The following FRS2 variants were observed in gnomAD, a reference collection of about 807,000 sequenced individuals.
FRS2 encodes the protein FGFR signalling adaptor.
In FRS2, 8 loss-of-function variants were observed where a neutral mutation model predicts 43.9. The ratio of observed to expected loss-of-function variants is 0.18; its 90% CI spans 0.11 to 0.33. The LOEUF (loss-of-function observed/expected upper bound fraction) is 0.33, where lower values mean the gene tolerates loss of function less well. Ranked by LOEUF, FRS2 falls within the 10% of genes least tolerant of loss-of-function variation. The pLI, the probability that FRS2 is intolerant of heterozygous loss-of-function variation, is 1.00. For synonymous variants in FRS2, 219 were observed against 220.3 expected, an observed-to-expected ratio of 0.99 and a Z score of 0.05; for missense variants, 534 against 627.6, an observed-to-expected ratio of 0.85 and a Z score of 1.59.
At position 69,574,756 on chromosome 12, in the gene FRS2, G is replaced by A. The variant is rs771251692; in HGVS notation, c.1328G>A (p.Gly443Asp). Reference sequence around the variant, plus strand: ...AATTACATACAGGTTGACTTGGAAGGTGGCAGTGACTCTGACAACCCTCAG... The same window carrying A: ...AATTACATACAGGTTGACTTGGAAGATGGCAGTGACTCTGACAACCCTCAG... Reference protein sequence around the residue: ...QLNYIQVDLEGGSDSDNPQTP... With the variant: ...QLNYIQVDLEDGSDSDNPQTP... The change falls in exon 9 of 9, where the codon GGT (glycine) becomes GAT (aspartate). Residue 443 changes from glycine to aspartate, a missense_variant. Gly to Asp is a moderately conservative substitution (Grantham distance 94, BLOSUM62 -1). Coordinates refer to ENST00000549921, the MANE Select transcript of FRS2 (RefSeq NM_001278356.2). 2 of 1,614,166 alleles carry A rather than the reference G, an allele frequency of 1.2e-6. No homozygotes were observed. The highest frequency in any genetic ancestry group is 1.7e-6 in the Non-Finnish European group (2 of 1,180,026).
rs1359161861 is a variant in FRS2, at chr12:69,527,123, A to G, written c.-260-3742A>G. The stretch of plus-strand genomic sequence containing the variant: ...TGTATGGAATAACAATCAGTCATTT[A>G]AAGGTGATTTGAAAACCAATTATTG... On this transcript the variant is annotated intron_variant, in intron 1 of 8. Coordinates refer to ENST00000549921, the MANE Select transcript of FRS2 (RefSeq NM_001278356.2). Among the ~76,000 whole-genome samples, 4 of 152,098 alleles carry G rather than the reference A, an allele frequency of 2.6e-5. No homozygotes were observed. In the East Asian group the frequency reaches 7.7e-4, roughly 29 times the overall value.
intron 1 of FRS2, among the ~76,000 whole-genome samples, chr12:69,518,775 G>A (rs980590628): frequency 6.6e-6 from 1 of 152,018 alleles, no homozygotes; most frequent in Non-Finnish European, 1.5e-5. Context: ...AGCACTTTGG[G>A]AGGCCGAGGC....
At chr12:69,480,186 C>A (rs1344366899) in intron 1 of FRS2, 6 of 152,174 alleles carry the variant, frequency 3.9e-5, no homozygotes, top group African/African-American at 1.4e-4. Context: ...GCATTAAGTG[C>A]ATTCACATCA....
At chr12:69,546,367 T>TA (rs1878407420) in intron 3 of FRS2, among the ~76,000 whole-genome samples, 1 of 151,948 alleles carries the variant, frequency 6.6e-6, no homozygotes, top group Admixed American at 6.6e-5. Flanking sequence ...AAGTGATTCT[T>TA]ACGTCTCAGC....
chr12:69,491,170 A>G (rs1281525560), intron 1 of FRS2, among the ~76,000 whole-genome samples: 1 of 152,146 alleles, frequency 6.6e-6, no homozygotes, highest in Non-Finnish European at 1.5e-5. Context: ...ATCTTGGCTC[A>G]TTGCAGCCTT....
rs191415774 is a variant in FRS2, at chr12:69,550,840, G to A, written c.-121-11340G>A. Among the ~76,000 whole-genome samples, 218 of 152,232 alleles carry A rather than the reference G, an allele frequency of 1.4e-3. 3 individuals carry two copies. Among genetic ancestry groups the A allele is most frequent in the East Asian group, 6.8e-3 (35 of 5,182 alleles). Reference sequence around the variant, plus strand: ...GAGTATTTTATGTACATAATTATAGGAAACCAATATTCTTTGTAGCTGTTG... The same window carrying A: ...GAGTATTTTATGTACATAATTATAGAAAACCAATATTCTTTGTAGCTGTTG... On this transcript the variant is annotated intron_variant, in intron 3 of 8. Coordinates refer to ENST00000549921, the MANE Select transcript of FRS2 (RefSeq NM_001278356.2).
intron 1 of FRS2, among the ~76,000 whole-genome samples, chr12:69,485,022 G>T (rs369844568): frequency 6.8e-6 from 1 of 146,142 alleles, no homozygotes; most frequent in Non-Finnish European, 1.5e-5. Context: ...GAGGTGGAAG[G>T]ATCACTTGAA....
intron 1 of FRS2, among the ~76,000 whole-genome samples, chr12:69,496,047 G>A (rs938717385): frequency 1.3e-5 from 2 of 152,152 alleles, no homozygotes; most frequent in Non-Finnish European, 2.9e-5. Flanking sequence ...TTTGACTTAC[G>A]ATAATACTAA....
At chr12:69,548,478 CTT>C (rs564572030) in intron 3 of FRS2, among the ~76,000 whole-genome samples, 1 of 152,102 alleles carries the variant, frequency 6.6e-6, no homozygotes, top group Non-Finnish European at 1.5e-5. Context: ...AGGTTGGTAA[CTT>C]TTATTTTTGA....
chr12:69,516,703 G>C (rs1006788242), intron 1 of FRS2, among the ~76,000 whole-genome samples: 1 of 152,104 alleles, frequency 6.6e-6, no homozygotes, highest in African/African-American at 2.4e-5. Context: ...ATCTCCATCT[G>C]ATCTTTCCTA....
At chr12:69,504,812 A>G (rs1873777010) in intron 1 of FRS2, among the ~76,000 whole-genome samples, 1 of 152,170 alleles carries the variant, frequency 6.6e-6, no homozygotes, top group African/African-American at 2.4e-5. Context: ...AGTTGCTTAC[A>G]GTTGTGCATC....
rs1880994396 is a variant in FRS2 at position 69,574,102 on chromosome 12, G to A, written c.674G>A (p.Ser225Asn). 1.2e-6 allele frequency: 2 copies of A among 1,614,148 alleles called. No homozygotes were observed. Among genetic ancestry groups the A allele is most frequent in the Non-Finnish European group, 1.7e-6 (2 of 1,179,948 alleles). ...GAGGCGAGGGTTTCTAACGCTGAAAGCAGCACACCAAAAGAAGAACCAAGT... is the reference window on the plus strand; with the variant it reads ...GAGGCGAGGGTTTCTAACGCTGAAAACAGCACACCAAAAGAAGAACCAAGT... ...PLEARVSNAE[S>N]STPKEEPSSI... is the part of the protein sequence containing the mutation. Residue 225 changes from serine to asparagine, a missense_variant, in exon 9 of 9, where the codon AGC becomes AAC. Coordinates refer to ENST00000549921, the MANE Select transcript of FRS2 (RefSeq NM_001278356.2).
chr12:69,485,286 C>T (rs1247973030), intron 1 of FRS2, among the ~76,000 whole-genome samples: 1 of 151,680 alleles, frequency 6.6e-6, no homozygotes, highest in African/African-American at 2.4e-5. Context: ...AGGTTCACGC[C>T]ATTCTCCTGC....
intron 3 of FRS2, among the ~76,000 whole-genome samples, chr12:69,556,514 C>T (rs1028970965): frequency 6.6e-6 from 1 of 151,832 alleles, no homozygotes; most frequent in Non-Finnish European, 1.5e-5. Flanking sequence ...TGTATAGAGA[C>T]GGGGTTTCAT....
At chr12:69,553,922 T>TAA (rs1879125541) in intron 3 of FRS2, among the ~76,000 whole-genome samples, 2 of 152,212 alleles carry the variant, frequency 1.3e-5, no homozygotes, top group African/African-American at 4.8e-5. Flanking sequence ...ATTCATAGTA[T>TAA]TGGGGGCTTT....
At chr12:69,572,078 C>T (rs767345626) in intron 7 of FRS2, 40 bp from the exon 8 acceptor site, 3 of 1,552,836 alleles carry the variant, frequency 1.9e-6, no homozygotes, top group Admixed American at 1.7e-5. Flanking sequence ...TTCTCTCTGC[C>T]CCGCCCCCCT....
In FRS2 at chr12:69,569,079, C is replaced by A; in HGVS notation, c.49C>A (p.His17Asn). The A allele has an allele frequency of 6.2e-7, 1 of 1,610,340 alleles. No individual in the cohort carries two copies. Among genetic ancestry groups the A allele is most frequent in the Middle Eastern group, 1.7e-4 (1 of 6,046 alleles). Reference sequence around the variant, plus strand: ...AGATAAAGACACTGTCCCAGATAACCATCGGAACAAGTTTAAGGTCAGTAA... The same window carrying A: ...AGATAAAGACACTGTCCCAGATAACAATCGGAACAAGTTTAAGGTCAGTAA... ...CPDKDTVPDN[H>N]RNKFKVINVD... Residue 17 changes from histidine to asparagine, a missense_variant, in exon 5 of 9, where the codon CAT becomes AAT. Physicochemically the swap from His to Asn is moderately conservative, Grantham distance 68. Around this residue, in one of 3 missense-constraint regions of FRS2, gnomAD observed 76 missense variants for 90.5 expected, o/e 0.84. Coordinates refer to ENST00000549921, the MANE Select transcript of FRS2 (RefSeq NM_001278356.2).
chr12:69,537,245 A>G (rs1877404956), intron 3 of FRS2, among the ~76,000 whole-genome samples: 1 of 152,148 alleles, frequency 6.6e-6, no homozygotes. Flanking sequence ...TTACTGTTTT[A>G]GGTAGTAAAC....
intron 1 of FRS2, among the ~76,000 whole-genome samples, chr12:69,528,381 C>T (rs1876465834): frequency 6.6e-6 from 1 of 152,112 alleles, no homozygotes; most frequent in Non-Finnish European, 1.5e-5. Flanking sequence ...CTGAGATTAC[C>T]TGGAACCTTA....
Sources: allele counts gnomAD v4.1 joint callset (sites outside exome capture counted in the v4.1 genomes callset), GRCh38; gene constraint gnomAD v4.1.1; regional missense constraint gnomAD v4.1.1; transcripts MANE v1.5; gene names NCBI Gene and HGNC (gene_info 2026-07-23, HGNC 2026-07-21).